Variants in MARCHF8 observed in about 807,000 individuals in gnomAD.
MARCHF8 encodes the protein E3 ubiquitin-protein ligase MARCHF8.
MARCHF8 carries 40 observed loss-of-function variants against 51.6 expected under a neutral mutation model. The observed-to-expected ratio is 0.77, with a 90% CI of 0.60 to 1.01. MARCHF8 has a LOEUF of 1.01. Among genes scored for constraint, MARCHF8 ranks in the 50% least tolerant of loss-of-function variants. MARCHF8 has a pLI of 0.00. For missense variants in MARCHF8, 685 were observed against 708.6 expected (o/e 0.97, Z 0.38); for synonymous variants, 263 against 280.3 (o/e 0.94, Z 0.62).
At position 45,463,501 on chromosome 10, in the gene MARCHF8, C is replaced by T; in HGVS notation, c.738G>A (p.Lys246=). 6.4e-7 allele frequency: 1 copy of T among 1,550,656 alleles called. No individual in the cohort carries two copies. Among genetic ancestry groups the T allele is most frequent in the Non-Finnish European group, 8.7e-7 (1 of 1,147,018 alleles). The change falls in exon 5 of 8, where the codon AAG becomes AAA. Residue 246 remains lysine, a synonymous_variant. Coordinates refer to ENST00000453424, the MANE Select transcript of MARCHF8 (RefSeq NM_001282866.2). ...TTCGGGACGTGGCCTCACCATCCGC[C>T]TTCTCTTCCAGCAGCAGGCCGGGCC... ...GGRPGLLLEE[K]ADGEATSRSR...
At chr10:45,464,406 G>A (rs1463417352) in intron 3 of MARCHF8, 79 bp from the exon 4 acceptor site, 15 of 1,201,518 alleles carry the variant, frequency 1.2e-5, no homozygotes, top group Non-Finnish European at 1.9e-5. Flanking sequence ...TGGTGACAGG[G>A]AGAAACCCTA....
rs1842673284 is a variant in MARCHF8 at position 45,458,323 on chromosome 10, A to G, written c.1638T>C (p.His546=). The G allele has an allele frequency of 6.2e-7, 1 of 1,614,146 alleles. No homozygotes were observed. The highest frequency in any genetic ancestry group is 8.5e-7 in the Non-Finnish European group (1 of 1,180,026). ...PLTEPNFENK[H]GYGICHSDTN... The stretch of plus-strand genomic sequence containing the variant: ...TGTCGGAATGACAGATTCCATATCC[A>G]TGTTTATTTTCAAAGTTGGGCTCTG... Residue 546 remains histidine (H), a synonymous_variant, in exon 8 of 8, where the codon CAT becomes CAC. Coordinates refer to ENST00000453424, the MANE Select transcript of MARCHF8 (RefSeq NM_001282866.2).
chr10:45,561,535 A>T (rs898323597), intron 1 of MARCHF8, among the ~76,000 whole-genome samples: 2 of 151,514 alleles, frequency 1.3e-5, no homozygotes, highest in Non-Finnish European at 2.9e-5. Flanking sequence ...CAGCCTCCCA[A>T]AGTGCTGGCA....
chr10:45,533,226 TG>T lies in MARCHF8; in HGVS notation c.-16del. ...GGCATGCTCATCCCAACCTCTTATCTGGTCGTCTTCTTCACAGAAGAGAGTC... is the reference window on the plus strand; with the variant it reads ...GGCATGCTCATCCCAACCTCTTATCTGTCGTCTTCTTCACAGAAGAGAGTC... On this transcript the variant is annotated 5_prime_UTR_variant, in exon 2 of 8. The change creates a premature stop within an existing upstream ORF in the 5' untranslated region. Coordinates refer to ENST00000453424, the MANE Select transcript of MARCHF8 (RefSeq NM_001282866.2). The T allele has an allele frequency of 1.9e-6, 3 of 1,597,544 alleles. No homozygotes were observed. Among genetic ancestry groups the T allele is most frequent in the Non-Finnish European group, 2.6e-6 (3 of 1,174,880 alleles).
At chr10:45,497,360 C>G (rs892738085) in intron 2 of MARCHF8, among the ~76,000 whole-genome samples, 21 of 152,108 alleles carry the variant, frequency 1.4e-4, no homozygotes, top group Admixed American at 3.9e-4. Context: ...TTGCAGACTT[C>G]AAAATCCTGC....
intron 2 of MARCHF8, among the ~76,000 whole-genome samples, chr10:45,497,384 C>T (rs2043192479): frequency 6.6e-6 from 1 of 152,076 alleles, no homozygotes; most frequent in African/African-American, 2.4e-5. Flanking sequence ...CAACAATGAA[C>T]AGCCGAGCTA....
chr10:45,543,335 A>G (rs1175665294), intron 1 of MARCHF8, among the ~76,000 whole-genome samples: 1 of 152,184 alleles, frequency 6.6e-6, no homozygotes, highest in Non-Finnish European at 1.5e-5. Context: ...GATTTAATCC[A>G]TAACTTTGGC....
At chr10:45,555,241 G>A (rs77649955) in intron 1 of MARCHF8, among the ~76,000 whole-genome samples, 9,335 of 151,598 alleles carry the variant, frequency 0.062, 326 homozygotes, top group Non-Finnish European at 0.066. Context: ...AAGAAAAAAA[G>A]AAGGGACAAT....
chr10:45,540,225 A>T (rs1370931742), upstream of MARCHF8, among the ~76,000 whole-genome samples: 2 of 152,244 alleles, frequency 1.3e-5, no homozygotes, highest in African/African-American at 4.8e-5. Flanking sequence ...GGAACCAAAA[A>T]AGAGCCTGCA....
chr10:45,546,138 T>TTTTATTTATTTATTTATTTATTTA (rs370400917), intron 1 of MARCHF8, among the ~76,000 whole-genome samples: 2 of 147,688 alleles, frequency 1.4e-5, no homozygotes, highest in African/African-American at 5.0e-5. Context: ...TGAGCTGAAT[T>TTTTATTTATTTATTTATTTATTTA]TTTATTTATT....
chr10:45,560,294 A>G (rs1280684885), intron 1 of MARCHF8, among the ~76,000 whole-genome samples: 1 of 152,208 alleles, frequency 6.6e-6, no homozygotes, highest in East Asian at 1.9e-4. Context: ...GAGGTTTTAT[A>G]AAAGCTTTGG....
At chr10:45,571,366 T>G (rs556716871) in intron 1 of MARCHF8, among the ~76,000 whole-genome samples, 45 of 152,268 alleles carry the variant, frequency 3.0e-4, no homozygotes, top group African/African-American at 1.1e-3. Context: ...ACTGAGCACC[T>G]TGTGACCCCG....
intron 2 of MARCHF8, among the ~76,000 whole-genome samples, chr10:45,531,427 C>T (rs1472174201): frequency 2.0e-5 from 3 of 151,838 alleles, no homozygotes; most frequent in African/African-American, 7.3e-5. Flanking sequence ...GTAAACAGAT[C>T]TTTATTATTA....
At chr10:45,556,642 T>C (rs886871342) in intron 1 of MARCHF8, among the ~76,000 whole-genome samples, 1 of 152,256 alleles carries the variant, frequency 6.6e-6, no homozygotes, top group Non-Finnish European at 1.5e-5. Context: ...TCCTGCTTTA[T>C]GTTAAAACGG....
intron 2 of MARCHF8, among the ~76,000 whole-genome samples, chr10:45,520,167 T>C (rs1303035990): frequency 6.6e-6 from 1 of 152,236 alleles, no homozygotes; most frequent in Admixed American, 6.5e-5. Flanking sequence ...AGGGTTGCTG[T>C]AAGGATTCAA....
At chr10:45,538,565 G>A, upstream of MARCHF8, among the ~76,000 whole-genome samples, 1 of 152,170 alleles carries the variant, frequency 6.6e-6, no homozygotes, top group East Asian at 1.9e-4. Context: ...CTGTATTCAG[G>A]AAACCCATCT....
At chr10:45,458,990 G>A in intron 7 of MARCHF8, 130 bp downstream of exon 7, 1 of 1,121,414 alleles carries the variant, frequency 8.9e-7, no homozygotes, top group South Asian at 1.4e-5. Flanking sequence ...AAGGAGGCTA[G>A]TGCCTCCTAA....
chr10:45,536,683 C>T (rs896719797), upstream of MARCHF8, among the ~76,000 whole-genome samples: 6 of 151,458 alleles, frequency 4.0e-5, 1 homozygote, highest in Non-Finnish European at 7.4e-5. Flanking sequence ...ATATAAACAA[C>T]TCTCTTACAA....
At chr10:45,472,127 C>T (rs770839919) in intron 3 of MARCHF8, among the ~76,000 whole-genome samples, 6 of 152,142 alleles carry the variant, frequency 3.9e-5, no homozygotes, top group Non-Finnish European at 7.4e-5. Context: ...CCTCCTTTCC[C>T]GGCAACTGGT....
Sources: allele counts gnomAD v4.1 joint callset (sites outside exome capture counted in the v4.1 genomes callset), GRCh38; gene constraint gnomAD v4.1.1; transcripts MANE v1.5; gene names NCBI Gene and HGNC (gene_info 2026-07-23, HGNC 2026-07-21).